The following GABRB1 variants were observed in gnomAD, a reference collection of about 807,000 sequenced individuals.
GABRB1 encodes gamma-aminobutyric acid receptor subunit beta-1.
Under a neutral mutation model 51.6 loss-of-function variants are expected in GABRB1, and 17 were observed. The ratio of observed to expected loss-of-function variants is 0.33; its 90% CI spans 0.23 to 0.49. The LOEUF (loss-of-function observed/expected upper bound fraction) is 0.49. Among genes scored for constraint, GABRB1 ranks in the 20% least tolerant of loss-of-function variants. The pLI is 0.99. For missense variants in GABRB1, 410 were observed against 600.6 expected, an observed-to-expected ratio of 0.68 and a Z score of 3.32; for synonymous variants, 247 against 218.9, an observed-to-expected ratio of 1.13 and a Z score of -1.14.
intron 4 of GABRB1, among the ~76,000 whole-genome samples, chr4:47,231,841 T>G (rs1327390607): frequency 6.6e-6 from 1 of 152,194 alleles, no homozygotes; most frequent in African/African-American, 2.4e-5. Flanking sequence ...ATTTTATCCA[T>G]GTTCAACTCT....
At chr4:47,321,350 G>A (rs1312468193) in intron 5 of GABRB1, among the ~76,000 whole-genome samples, 1 of 152,116 alleles carries the variant, frequency 6.6e-6, no homozygotes, top group Non-Finnish European at 1.5e-5. Flanking sequence ...TAGTTCCACT[G>A]TATATATGGA....
intron 3 of GABRB1, among the ~76,000 whole-genome samples, chr4:47,094,064 T>C (rs1415138587): frequency 6.6e-6 from 1 of 151,896 alleles, no homozygotes; most frequent in Non-Finnish European, 1.5e-5. Context: ...GAGGGAGTGA[T>C]GTTCTAACAG....
intron 4 of GABRB1, among the ~76,000 whole-genome samples, chr4:47,208,644 A>G (rs1278595371): frequency 1.3e-5 from 2 of 152,132 alleles, no homozygotes; most frequent in Admixed American, 6.6e-5. Flanking sequence ...GATTTTTCTT[A>G]GGTTCAGTTG....
chr4:47,198,454 G>C (rs985115124), intron 4 of GABRB1, among the ~76,000 whole-genome samples: 6 of 152,190 alleles, frequency 3.9e-5, no homozygotes, highest in Admixed American at 1.3e-4. Context: ...AGATGTTACA[G>C]ACTGCTGATG....
At chr4:47,321,362 A>G (rs1313714428) in intron 5 of GABRB1, among the ~76,000 whole-genome samples, 1 of 152,208 alleles carries the variant, frequency 6.6e-6, no homozygotes, top group Non-Finnish European at 1.5e-5. Context: ...ATATATGGAA[A>G]TAGATGAAGG....
intron 4 of GABRB1, among the ~76,000 whole-genome samples, chr4:47,167,121 A>G (rs1352749002): frequency 6.6e-6 from 1 of 152,166 alleles, no homozygotes; most frequent in African/African-American, 2.4e-5. Context: ...GTTTGTAGAA[A>G]TGAAATTAAA....
chr4:47,152,184 T>C (rs1470613121), intron 3 of GABRB1, among the ~76,000 whole-genome samples: 1 of 152,020 alleles, frequency 6.6e-6, no homozygotes, highest in Admixed American at 6.6e-5. Context: ...TCTCCATTTA[T>C]GTTTTATAAG....
At chr4:47,196,898 A>G (rs918876185) in intron 4 of GABRB1, among the ~76,000 whole-genome samples, 1 of 152,226 alleles carries the variant, frequency 6.6e-6, no homozygotes, top group African/African-American at 2.4e-5. Flanking sequence ...TGTCTGTCGC[A>G]TTCACTAGAA....
chr4:47,038,147 A>G (rs1023892303), intron 3 of GABRB1, among the ~76,000 whole-genome samples: 1 of 152,204 alleles, frequency 6.6e-6, no homozygotes, highest in African/African-American at 2.4e-5. Context: ...CCCTTGCTAG[A>G]TTGTCTTAAA....
intron 3 of GABRB1, among the ~76,000 whole-genome samples, chr4:47,077,979 A>ATATTTT (rs1560523738): frequency 2.6e-4 from 10 of 37,896 alleles, no homozygotes; most frequent in East Asian, 1.7e-3. Flanking sequence ...TTTTATATAT[A>ATATTTT]ATATATAATA....
chr4:47,269,976 A>ACACACG (rs59512370), intron 4 of GABRB1, among the ~76,000 whole-genome samples: 10 of 151,372 alleles, frequency 6.6e-5, no homozygotes, highest in African/African-American at 2.4e-4. Flanking sequence ...ACACACACAC[A>ACACACG]GGCTGAGTCT....
intron 3 of GABRB1, among the ~76,000 whole-genome samples, chr4:47,148,077 G>C (rs2109708082): frequency 6.6e-6 from 1 of 152,176 alleles, no homozygotes; most frequent in Non-Finnish European, 1.5e-5. Context: ...GCTTATTATA[G>C]TAAATCAGGT....
intron 4 of GABRB1, among the ~76,000 whole-genome samples, chr4:47,287,471 A>G (rs1470284538): frequency 6.6e-6 from 1 of 152,100 alleles, no homozygotes; most frequent in Non-Finnish European, 1.5e-5. Context: ...CCATTCCCCC[A>G]TACCTTTCCA....
chr4:47,057,478 G>T (rs1726663333), intron 3 of GABRB1, among the ~76,000 whole-genome samples: 1 of 152,188 alleles, frequency 6.6e-6, no homozygotes, highest in Non-Finnish European at 1.5e-5. Flanking sequence ...AACCTGAATA[G>T]GACAATTCTA....
rs544342663 is a variant in GABRB1, at chr4:47,148,280, T to G, written c.241-12969T>G. ...ATGGAGGACCCGATTTAAAGGTGGG[T>G]GGGCATAATTCTATTTTGGGCCAGA... is the stretch of plus-strand genomic sequence containing the variant. On this transcript the variant is annotated intron_variant, in intron 3 of 8. Transcript: ENST00000295454. Among the ~76,000 whole-genome samples, 6 of 152,034 alleles carry G rather than the reference T, an allele frequency of 3.9e-5. No individual in the cohort carries two copies. The South Asian group carries it at 1.2e-3, about 32-fold the overall frequency.
intron 5 of GABRB1, among the ~76,000 whole-genome samples, chr4:47,401,816 C>A (rs1323210836): frequency 1.7e-5 from 1 of 59,248 alleles, no homozygotes; most frequent in Admixed American, 1.2e-4. Context: ...ATCTATCTAT[C>A]TATCTAGCTA....
intron 4 of GABRB1, among the ~76,000 whole-genome samples, chr4:47,261,285 T>C (rs1171596644): frequency 1.3e-5 from 2 of 152,170 alleles, no homozygotes; most frequent in African/African-American, 2.4e-5. Context: ...CATGATTGTA[T>C]ATCTAGAAAA....
At chr4:47,372,618 G>T (rs570867173) in intron 5 of GABRB1, among the ~76,000 whole-genome samples, 36 of 152,312 alleles carry the variant, frequency 2.4e-4, no homozygotes, top group African/African-American at 7.2e-4. Context: ...AGGAGGAAAA[G>T]AGTCAAGTCG....
At chr4:47,164,882 C>T (rs980551492) in intron 4 of GABRB1, among the ~76,000 whole-genome samples, 3 of 152,050 alleles carry the variant, frequency 2.0e-5, no homozygotes, top group Admixed American at 1.3e-4. Context: ...GATATTCGGC[C>T]CTTGGGAGAG....
Sources: allele counts gnomAD v4.1 joint callset (sites outside exome capture counted in the v4.1 genomes callset), GRCh38; gene constraint gnomAD v4.1.1; transcripts MANE v1.5; gene names NCBI Gene and HGNC (gene_info 2026-07-23, HGNC 2026-07-21).